GRM7: variants seen among roughly 807,000 people sequenced by gnomAD.
GRM7 encodes the protein metabotropic glutamate receptor 7.
In GRM7, 35 loss-of-function variants were observed where a neutral mutation model predicts 84.5. The observed-to-expected ratio is 0.41, with a 90% CI of 0.32 to 0.55. GRM7 has a LOEUF of 0.55. GRM7 is among the 20% of genes least tolerant of loss of function. The pLI, the probability that GRM7 is intolerant of heterozygous loss-of-function variation, is 0.19. For missense variants in GRM7, 1,003 were observed against 1,194.6 expected (o/e 0.84, Z 2.36); for synonymous variants, 487 against 455.1 (o/e 1.07, Z -0.89).
intron 1 of GRM7, among the ~76,000 whole-genome samples, chr3:7,078,396 A>ATGC (rs1258818723): frequency 2.6e-5 from 4 of 152,276 alleles, no homozygotes; most frequent in East Asian, 3.9e-4. Flanking sequence ...ACGGGGACAG[A>ATGC]TGCTGCTGCT....
At chr3:7,467,087 A>G (rs73115696) in intron 7 of GRM7, among the ~76,000 whole-genome samples, 3,742 of 152,108 alleles carry the variant, frequency 0.025, 114 homozygotes, top group African/African-American at 0.068. Flanking sequence ...AGGGCACACA[A>G]GTTTCTCTTT....
chr3:7,670,867 C>T (rs1282476452), intron 8 of GRM7, among the ~76,000 whole-genome samples: 2 of 152,208 alleles, frequency 1.3e-5, no homozygotes, highest in African/African-American at 2.4e-5. Context: ...CTAGTAGTTC[C>T]GTTTTGATGA....
chr3:7,217,386 A>G (rs1182722742), intron 2 of GRM7, among the ~76,000 whole-genome samples: 3 of 152,132 alleles, frequency 2.0e-5, no homozygotes, highest in African/African-American at 7.2e-5. Flanking sequence ...TATTACCTAC[A>G]ACTGATTTTC....
In GRM7 at chr3:7,722,635, G is replaced by A. The variant is rs533770416; in HGVS notation, c.2699-17722G>A. Among the ~76,000 whole-genome samples, 365 of 152,144 alleles carry A rather than the reference G, an allele frequency of 2.4e-3. 2 individuals carry two copies. The highest frequency in any genetic ancestry group is 3.5e-3 in the Non-Finnish European group (241 of 68,002). On this transcript the variant is annotated intron_variant, in intron 9 of 9. Coordinates refer to ENST00000357716, the MANE Select transcript of GRM7 (RefSeq NM_000844.4). ...GTTTTGTAATTTTAGTAGAGACAGG[G>A]GTTCACCACGTTGGCCAGGCTGGTC... is the stretch of plus-strand genomic sequence containing the variant.
intron 4 of GRM7, among the ~76,000 whole-genome samples, chr3:7,390,823 A>G (rs974852799): frequency 3.6e-4 from 54 of 152,020 alleles, no homozygotes; most frequent in African/African-American, 1.3e-3. Context: ...TGCCTTCCAA[A>G]TTCTAAGTTC....
intron 7 of GRM7, among the ~76,000 whole-genome samples, chr3:7,543,813 A>G (rs970949018): frequency 1.3e-5 from 2 of 152,178 alleles, no homozygotes; most frequent in Admixed American, 6.5e-5. Flanking sequence ...ACAAAGTACA[A>G]GTCTGGGGAT....
At position 7,391,548 on chromosome 3, in the gene GRM7, G is replaced by A. The variant is rs28677955; in HGVS notation, c.1034-23475G>A. 7.8e-3 allele frequency among the ~76,000 whole-genome samples: 1,182 copies of A among 152,130 alleles called. 12 individuals are homozygous for A. Among genetic ancestry groups the A allele is most frequent in the African/African-American group, 0.025 (1,036 of 41,498 alleles). ...CACAGGGTGGAGAACATCACACACC[G>A]GGGCCTGTCGTGGGGCGGGGGAAGT... On this transcript the variant is annotated intron_variant, in intron 4 of 9. Coordinates refer to ENST00000357716, the MANE Select transcript of GRM7 (RefSeq NM_000844.4).
chr3:7,632,349 C>A (rs1318238059), intron 8 of GRM7, among the ~76,000 whole-genome samples: 1 of 152,110 alleles, frequency 6.6e-6, no homozygotes, highest in Non-Finnish European at 1.5e-5. Flanking sequence ...TGTGATGGTG[C>A]TTTGCATGTT....
chr3:7,010,210 G>A (rs1442274936), intron 1 of GRM7, among the ~76,000 whole-genome samples: 1 of 152,194 alleles, frequency 6.6e-6, no homozygotes, highest in African/African-American at 2.4e-5. Context: ...TAGCAGTTTG[G>A]GAGGCCAAGG....
chr3:6,954,233 C>T lies in GRM7; in HGVS notation c.519+92326C>T, dbSNP rs182700137. 1.3e-4 allele frequency among the ~76,000 whole-genome samples: 20 copies of T among 152,230 alleles called. No homozygotes were observed. The East Asian group carries it at 3.7e-3, about 28-fold the overall frequency. ...TCCTACCAGTGTGTTGTGTACATGT[C>T]AAGTCCTTTCTTCTAGCTATTTTGA... On this transcript the variant is annotated intron_variant, in intron 1 of 9. Transcript: ENST00000357716.
chr3:7,548,985 A>G (rs1693309497), intron 7 of GRM7, among the ~76,000 whole-genome samples: 1 of 152,182 alleles, frequency 6.6e-6, no homozygotes, highest in East Asian at 1.9e-4. Flanking sequence ...TGTCTTACTC[A>G]GTTTTCCCAA....
At chr3:7,057,281 A>T (rs1194306247) in intron 1 of GRM7, among the ~76,000 whole-genome samples, 1 of 151,938 alleles carries the variant, frequency 6.6e-6, no homozygotes, top group Non-Finnish European at 1.5e-5. Flanking sequence ...TACGAATATT[A>T]CCTCTGATAT....
intron 7 of GRM7, among the ~76,000 whole-genome samples, chr3:7,530,595 T>C (rs113366319): frequency 0.092 from 13,933 of 152,168 alleles, 781 homozygotes; most frequent in Non-Finnish European, 0.11. Context: ...CCACATTCTC[T>C]CCAGCATCTA....
chr3:6,892,088 TC>T (rs1695978180), intron 1 of GRM7, among the ~76,000 whole-genome samples: 1 of 152,210 alleles, frequency 6.6e-6, no homozygotes, highest in African/African-American at 2.4e-5. Flanking sequence ...CTCCATCAGC[TC>T]CTTTAAGCAC....
At chr3:7,354,670 C>G (rs183795233) in intron 4 of GRM7, among the ~76,000 whole-genome samples, 1 of 152,246 alleles carries the variant, frequency 6.6e-6, no homozygotes, top group African/African-American at 2.4e-5. Context: ...GTGAAGAAGA[C>G]AGATGGATCC....
chr3:6,964,679 A>C (rs1412690725), intron 1 of GRM7, among the ~76,000 whole-genome samples: 1 of 152,206 alleles, frequency 6.6e-6, no homozygotes, highest in African/African-American at 2.4e-5. Context: ...GTTAATTTCT[A>C]TCAGTTTCCT....
intron 7 of GRM7, among the ~76,000 whole-genome samples, chr3:7,474,860 T>C (rs1205757647): frequency 1.3e-5 from 2 of 152,212 alleles, no homozygotes; most frequent in Admixed American, 6.5e-5. Context: ...TAGGCAATTA[T>C]ATGCCTGCAG....
intron 9 of GRM7, among the ~76,000 whole-genome samples, chr3:7,721,729 A>G (rs779029677): frequency 3.8e-4 from 58 of 152,244 alleles, no homozygotes; most frequent in Non-Finnish European, 3.4e-4. Context: ...CTCAAACTCA[A>G]TGATTCCCAG....
At chr3:7,103,807 T>TTTCG (rs1491466392) in intron 1 of GRM7, among the ~76,000 whole-genome samples, 1 of 109,346 alleles carries the variant, frequency 9.1e-6, no homozygotes, top group Non-Finnish European at 1.8e-5. Flanking sequence ...TCTTTCTTTC[T>TTTCG]TTCTTTCTTT....
Sources: gnomAD v4.1 joint callset for allele counts (sites outside exome capture counted in the v4.1 genomes callset) on GRCh38, gnomAD v4.1.1 for gene constraint, MANE v1.5 for transcripts, NCBI Gene and HGNC (gene_info 2026-07-23, HGNC 2026-07-21) for gene names.